Variants in CSMD3 observed in about 807,000 individuals in gnomAD.
CSMD3 encodes CUB and sushi domain-containing protein 3.
A neutral mutation model predicts 435.2 loss-of-function variants in CSMD3; 177 were observed. The observed-to-expected ratio is 0.41, with a 90% CI of 0.36 to 0.46. The LOEUF is 0.46. CSMD3 is among the 20% of genes least tolerant of loss of function. The pLI is 0.34. For missense variants in CSMD3, 4,265 were observed against 4,504.6 expected, an observed-to-expected ratio of 0.95 and a Z score of 1.52; for synonymous variants, 1,656 against 1,520.5, an observed-to-expected ratio of 1.09 and a Z score of -2.07.
chr8:112,943,541 A>T (rs1463442848), intron 9 of CSMD3, among the ~76,000 whole-genome samples: 2 of 151,610 alleles, frequency 1.3e-5, no homozygotes, highest in Non-Finnish European at 3.0e-5. Flanking sequence ...TGTTCCTTTG[A>T]GATAAAAAGG....
intron 66 of CSMD3, among the ~76,000 whole-genome samples, chr8:112,239,240 G>T (rs1442937926): frequency 5.3e-5 from 8 of 151,992 alleles, no homozygotes; most frequent in African/African-American, 1.9e-4. Flanking sequence ...CTGTGATTCT[G>T]GGGTCTGCTT....
chr8:112,631,419 A>T (rs2074511108), intron 22 of CSMD3, among the ~76,000 whole-genome samples: 1 of 152,112 alleles, frequency 6.6e-6, no homozygotes, highest in Non-Finnish European at 1.5e-5. Flanking sequence ...ATTGTATAAA[A>T]AAACGATAGT....
chr8:113,202,385 CTT>C (rs1407159834), intron 3 of CSMD3, among the ~76,000 whole-genome samples: 2 of 152,048 alleles, frequency 1.3e-5, no homozygotes, highest in East Asian at 1.9e-4. Flanking sequence ...TGAAGAGCCT[CTT>C]TTAAAAACTG....
chr8:113,029,291 C>T (rs759059681), intron 5 of CSMD3, among the ~76,000 whole-genome samples: 8 of 151,416 alleles, frequency 5.3e-5, no homozygotes, highest in Non-Finnish European at 1.2e-4. Flanking sequence ...CAGCATCACC[C>T]TAATACCAAA....
At chr8:112,931,037 T>C (rs1372620141) in intron 9 of CSMD3, among the ~76,000 whole-genome samples, 1 of 152,032 alleles carries the variant, frequency 6.6e-6, no homozygotes, top group Non-Finnish European at 1.5e-5. Context: ...CTGAGAAAAA[T>C]TTTGAGTAGA....
chr8:112,519,915 G>A (rs997549838), intron 27 of CSMD3, among the ~76,000 whole-genome samples: 1 of 152,038 alleles, frequency 6.6e-6, no homozygotes, highest in Non-Finnish European at 1.5e-5. Context: ...AAAACTCAAC[G>A]ATATGGTTAT....
chr8:112,422,210 T>A (rs558577342), intron 32 of CSMD3, among the ~76,000 whole-genome samples: 19 of 152,078 alleles, frequency 1.2e-4, no homozygotes, highest in Non-Finnish European at 2.1e-4. Context: ...TTTAAGGATA[T>A]TTTGCTGAAA....
intron 3 of CSMD3, among the ~76,000 whole-genome samples, chr8:113,252,116 A>G (rs2093339718): frequency 6.6e-6 from 1 of 152,064 alleles, no homozygotes; most frequent in African/African-American, 2.4e-5. Flanking sequence ...CTTTCTAGAG[A>G]ATACTCCTGA....
intron 13 of CSMD3, among the ~76,000 whole-genome samples, chr8:112,730,186 A>T (rs1209670840): frequency 1.3e-5 from 2 of 151,968 alleles, no homozygotes; most frequent in African/African-American, 4.8e-5. Context: ...TCTAGACTTA[A>T]AAGAGAAGGG....
intron 5 of CSMD3, among the ~76,000 whole-genome samples, chr8:113,051,509 ACT>A (rs1252044770): frequency 2.0e-5 from 3 of 152,134 alleles, no homozygotes; most frequent in Admixed American, 6.6e-5. Context: ...TCTAAATTTT[ACT>A]CTCTTTGAAT....
At chr8:113,331,475 G>A (rs2094027130) in intron 1 of CSMD3, among the ~76,000 whole-genome samples, 1 of 151,514 alleles carries the variant, frequency 6.6e-6, no homozygotes, top group African/African-American at 2.4e-5. Flanking sequence ...CAAAGACAAT[G>A]CGAGATAAAA....
chr8:112,475,638 A>T (rs1396039849), intron 31 of CSMD3, among the ~76,000 whole-genome samples: 2 of 152,000 alleles, frequency 1.3e-5, no homozygotes, highest in African/African-American at 4.8e-5. Flanking sequence ...TTTGGGCATT[A>T]CTGTTAATGG....
rs372637823 is a variant in CSMD3, at chr8:112,974,861, A to C, written c.1342+976T>G. Among the ~76,000 whole-genome samples the C allele has an allele frequency of 4.6e-5, 7 of 151,928 alleles. No homozygotes were observed. The South Asian group carries it at 1.0e-3, about 23-fold the overall frequency. On this transcript the variant is annotated intron_variant, in intron 7 of 70. Coordinates refer to ENST00000297405, the MANE Select transcript of CSMD3 (RefSeq NM_198123.2). ...CAATACTTATACAGACCATTACTTA[A>C]ATCATGGTCTGTATAAACCATGCCT...
intron 5 of CSMD3, among the ~76,000 whole-genome samples, chr8:113,082,796 A>G (rs1039101767): frequency 1.3e-5 from 2 of 152,130 alleles, no homozygotes; most frequent in Non-Finnish European, 2.9e-5. Context: ...GAGAAATACA[A>G]TGAATAAAAT....
Position 112,241,802 on chromosome 8 carries a change from A to T in CSMD3, c.10403-17T>A. The T allele has an allele frequency of 6.3e-7, 1 of 1,588,220 alleles. No homozygotes were observed. Among genetic ancestry groups the T allele is most frequent in the East Asian group, 2.2e-5 (1 of 44,646 alleles). On this transcript the variant is annotated splice_polypyrimidine_tract_variant and intron_variant, in intron 65 of 70. Coordinates refer to ENST00000297405, the MANE Select transcript of CSMD3 (RefSeq NM_198123.2). ...TAGAACCAGCTATGAAAAGAAATAA[A>T]GGTGTTTACAAAAGTTGATGCAATT...
At chr8:113,334,641 T>C (rs1455289312) in intron 1 of CSMD3, among the ~76,000 whole-genome samples, 2 of 152,076 alleles carry the variant, frequency 1.3e-5, no homozygotes, top group Non-Finnish European at 2.9e-5. Flanking sequence ...AGAATGCTAG[T>C]TATTTTGAAA....
chr8:112,301,991 A>T, intron 52 of CSMD3, 25 bp from the exon 53 acceptor site: 2 of 1,498,568 alleles, frequency 1.3e-6, no homozygotes, highest in South Asian at 1.1e-5. Context: ...ATAAATAAAA[A>T]TCCTTAAAGA....
intron 7 of CSMD3, among the ~76,000 whole-genome samples, chr8:112,975,549 T>C (rs1296531984): frequency 1.3e-5 from 2 of 152,108 alleles, no homozygotes; most frequent in Admixed American, 6.6e-5. Flanking sequence ...ATAATAAGTA[T>C]TTGGTACTTG....
chr8:112,239,213 G>C (rs1402481029), intron 66 of CSMD3, among the ~76,000 whole-genome samples: 1 of 151,970 alleles, frequency 6.6e-6, no homozygotes. Context: ...GGCATCCCTG[G>C]AGTCTCTCTG....
Sources: gnomAD v4.1 joint callset for allele counts (sites outside exome capture counted in the v4.1 genomes callset) on GRCh38, gnomAD v4.1.1 for gene constraint, MANE v1.5 for transcripts, NCBI Gene and HGNC (gene_info 2026-07-23, HGNC 2026-07-21) for gene names.